The following C11orf65 variants were observed in gnomAD, a reference collection of about 807,000 sequenced individuals.
C11orf65 encodes chromosome 11 open reading frame 65.
C11orf65 carries 38 observed loss-of-function variants against 35.3 expected under a neutral mutation model. That is an observed-to-expected ratio of 1.08 (90% CI 0.83 to 1.41). The LOEUF (loss-of-function observed/expected upper bound fraction) is 1.41. Ranked by LOEUF, C11orf65 falls within the 40% of genes most tolerant of loss-of-function variation. The pLI is 0.00. For synonymous variants in C11orf65, 105 were observed against 114.4 expected (o/e 0.92, Z 0.53); for missense variants, 370 against 367.1 (o/e 1.01, Z -0.06).
chr11:108,317,976 A>G (rs1191533612), intron 6 of C11orf65, among the ~76,000 whole-genome samples: 1 of 152,140 alleles, frequency 6.6e-6, no homozygotes, highest in Non-Finnish European at 1.5e-5. Context: ...ACTTCCTGCT[A>G]CAAACATTTT....
downstream of C11orf65, among the ~76,000 whole-genome samples, chr11:108,381,563 G>GT (rs1202521247): frequency 6.6e-6 from 1 of 152,138 alleles, no homozygotes; most frequent in Non-Finnish European, 1.5e-5. Flanking sequence ...TAACACAAAA[G>GT]TTTTTTGGCT....
chr11:108,443,462 G>A lies in C11orf65; in HGVS notation c.82-11624C>T, dbSNP rs570261597. On this transcript the variant is annotated intron_variant, in intron 2 of 8. Transcript: ENST00000393084. ...ATATCCAGGAATTGAACTCAGCTCTGCACCAAGCAGACCTCATAGACATCT... is the reference window on the plus strand; with the variant it reads ...ATATCCAGGAATTGAACTCAGCTCTACACCAAGCAGACCTCATAGACATCT... Among the ~76,000 whole-genome samples, 25 of 152,240 alleles carry A rather than the reference G, an allele frequency of 1.6e-4. No individual in the cohort carries two copies. In the South Asian group the frequency reaches 5.0e-3, roughly 30 times the overall value.
intron 2 of C11orf65, among the ~76,000 whole-genome samples, chr11:108,433,648 T>C (rs1033826372): frequency 1.3e-5 from 2 of 151,938 alleles, no homozygotes; most frequent in Admixed American, 6.5e-5. Flanking sequence ...AGTTACAAGG[T>C]TTCTTAAGGC....
chr11:108,447,212 T>G (rs1480446380), intron 2 of C11orf65, among the ~76,000 whole-genome samples: 3 of 152,054 alleles, frequency 2.0e-5, no homozygotes, highest in Non-Finnish European at 4.4e-5. Flanking sequence ...CTGTCAACAT[T>G]AGACAGATCA....
intron 6 of C11orf65, among the ~76,000 whole-genome samples, chr11:108,318,557 G>C (rs1451859234): frequency 6.6e-6 from 1 of 151,582 alleles, no homozygotes; most frequent in Admixed American, 6.6e-5. Flanking sequence ...GGGTGTGCTG[G>C]AGCATGCCTG....
rs982996106 is a variant in C11orf65, at chr11:108,343,104, G to C, written c.227-7812C>G. 47 of 1,297,416 alleles carry C rather than the reference G, an allele frequency of 3.6e-5. No individual in the cohort carries two copies. In the Admixed American group the frequency reaches 4.5e-4, roughly 12 times the overall value. 80.4% of individuals were successfully genotyped at this position (1,297,416 alleles called of 1,614,324 possible). ...CAAGGAGCTTTGTCTTCTATGGACA[G>C]AGAAATATTAATACAACTTGAAAAA... On this transcript the variant is annotated intron_variant, in intron 2 of 3. Transcript: ENST00000524755.
downstream of C11orf65, chr11:108,328,951 A>G (rs1231569959): frequency 6.9e-7 from 1 of 1,448,058 alleles, no homozygotes; most frequent in African/African-American, 1.4e-5. Context: ...GTATTACCTT[A>G]ATTTGAGTGA....
chr11:108,404,912 C>T (rs905814517), intron 6 of C11orf65, among the ~76,000 whole-genome samples: 16 of 152,194 alleles, frequency 1.1e-4, no homozygotes, highest in Admixed American at 3.9e-4. Flanking sequence ...GGCCACAAAA[C>T]CTTTTTGGAA....
intron 2 of C11orf65, among the ~76,000 whole-genome samples, chr11:108,362,022 T>C (rs1334624111): frequency 3.1e-5 from 4 of 130,812 alleles, no homozygotes; most frequent in Non-Finnish European, 6.5e-5. Flanking sequence ...ACCTACAAAA[T>C]GGGAGAAAAT....
At chr11:108,343,320 A>C (rs1393366622) in intron 2 of C11orf65, 1 of 1,614,080 alleles carries the variant, frequency 6.2e-7, no homozygotes, top group African/African-American at 1.3e-5. Context: ...GTGCTCATAA[A>C]AGATACAGGC....
At chr11:108,326,299 T>C in intron 6 of C11orf65, 1 of 1,533,452 alleles carries the variant, frequency 6.5e-7, no homozygotes, top group Non-Finnish European at 8.9e-7. Flanking sequence ...TAAAATATTT[T>C]TAATAACAAT....
In C11orf65 at chr11:108,320,309, A is replaced by G. The variant is rs182676427; in HGVS notation, c.641-11238T>C. ...GATTCCCTCTTTGTTCTCTTCCTAT[A>G]CAAGTATCCTGAGAATTATATCTTG... On this transcript the variant is annotated intron_variant, in intron 6 of 6. Coordinates refer to the C11orf65 transcript ENST00000525729. Among the ~76,000 whole-genome samples the G allele has an allele frequency of 3.0e-3, 453 of 152,232 alleles. 13 individuals are homozygous for G. The highest frequency in any genetic ancestry group is 7.1e-4 in the Non-Finnish European group (48 of 68,016).
chr11:108,412,115 C>T (rs2092669310), intron 3 of C11orf65, among the ~76,000 whole-genome samples: 1 of 151,970 alleles, frequency 6.6e-6, no homozygotes, highest in Non-Finnish European at 1.5e-5. Flanking sequence ...GTATATTTTT[C>T]CATTGTCTTA....
At position 108,334,978 on chromosome 11, in the gene C11orf65, A is replaced by C; in HGVS notation, c.299+242T>G. 2 of 1,613,398 alleles carry C rather than the reference A, an allele frequency of 1.2e-6. No individual in the cohort carries two copies. The highest frequency in any genetic ancestry group is 1.7e-6 in the Non-Finnish European group (2 of 1,179,350). On this transcript the variant is annotated intron_variant, in intron 3 of 3. Coordinates refer to the C11orf65 transcript ENST00000524755. The stretch of plus-strand genomic sequence containing the variant: ...TTTATACTTTTATTAGGTGGACCAC[A>C]CAGGAGAATATGGAAATCTGGTGAC...
chr11:108,367,578 C>T (rs999951061), intron 2 of C11orf65: 20 of 206,370 alleles, frequency 9.7e-5, no homozygotes, highest in African/African-American at 3.7e-4. Flanking sequence ...ATCCCAGCTG[C>T]GGAGATTAAC....
At chr11:108,352,826 T>G (rs2089375881) in intron 2 of C11orf65, among the ~76,000 whole-genome samples, 1 of 152,200 alleles carries the variant, frequency 6.6e-6, no homozygotes, top group African/African-American at 2.4e-5. Flanking sequence ...TTACATACTG[T>G]ATGATTATTC....
chr11:108,411,532 G>A (rs1418102502), intron 3 of C11orf65, among the ~76,000 whole-genome samples: 1 of 152,072 alleles, frequency 6.6e-6, no homozygotes, highest in Non-Finnish European at 1.5e-5. Context: ...TACAATATCT[G>A]TACTAAATTT....
At chr11:108,384,426 C>T (rs2091940563) in intron 8 of C11orf65, among the ~76,000 whole-genome samples, 1 of 152,068 alleles carries the variant, frequency 6.6e-6, no homozygotes, top group South Asian at 2.1e-4. Flanking sequence ...TAGGTACTAC[C>T]GTTATTCTTC....
intron 6 of C11orf65, among the ~76,000 whole-genome samples, chr11:108,401,225 C>T (rs534513289): frequency 2.6e-5 from 4 of 151,736 alleles, no homozygotes; most frequent in African/African-American, 4.8e-5. Flanking sequence ...GATGGCTAGA[C>T]GGTGGTTTAG....
Sources: allele counts gnomAD v4.1 joint callset (sites outside exome capture counted in the v4.1 genomes callset), GRCh38; gene constraint gnomAD v4.1.1; transcripts MANE v1.5; gene names NCBI Gene and HGNC (gene_info 2026-07-23, HGNC 2026-07-21).